MAGI2: variants seen among roughly 807,000 people sequenced by gnomAD.
MAGI2 encodes membrane associated guanylate kinase, WW and PDZ domain containing 2.
In MAGI2, 35 loss-of-function variants were observed where a neutral mutation model predicts 133.3. That is an observed-to-expected ratio of 0.26 (90% confidence interval 0.20 to 0.35). MAGI2 has a LOEUF of 0.35. Among genes scored for constraint, MAGI2 ranks in the 10% least tolerant of loss-of-function variants. The pLI, the probability that MAGI2 is intolerant of heterozygous loss-of-function variation, is 1.00. For missense variants in MAGI2, 1,636 were observed against 1,863.4 expected (o/e 0.88, Z 2.25); for synonymous variants, 729 against 710.6 (o/e 1.03, Z -0.41).
rs1584843643 is a variant in MAGI2 at position 78,018,978 on chromosome 7, C to A, written c.*337G>T. 3 of 398,768 alleles carry A rather than the reference C, an allele frequency of 7.5e-6. No individual in the cohort carries two copies. The highest frequency in any genetic ancestry group is 7.2e-5 in the East Asian group (2 of 27,894). 24.7% of individuals were successfully genotyped at this position (398,768 alleles called of 1,614,324 possible). ...TCTTGATATAAAGTTTGGATGACAT[C>A]CAAGTCCTTCATGCAGTGGGGAGGA... is the stretch of plus-strand genomic sequence containing the variant. On this transcript the variant is annotated 3_prime_UTR_variant, in exon 22 of 22. Coordinates refer to ENST00000354212, the MANE Select transcript of MAGI2 (RefSeq NM_012301.4).
At chr7:78,359,024 C>G (rs897858943) in intron 7 of MAGI2, 1 of 152,398 alleles carries the variant, frequency 6.6e-6, no homozygotes, top group Non-Finnish European at 1.5e-5. Flanking sequence ...CATGGGCAGC[C>G]TGGGACTTAA....
chr7:78,895,495 G>A (rs778524972), intron 2 of MAGI2, among the ~76,000 whole-genome samples: 2 of 149,100 alleles, frequency 1.3e-5, no homozygotes, highest in Non-Finnish European at 3.0e-5. Context: ...AACCAGAGTT[G>A]CTTTACAAAA....
At chr7:78,211,052 A>G (rs1787721074) in intron 10 of MAGI2, among the ~76,000 whole-genome samples, 1 of 152,144 alleles carries the variant, frequency 6.6e-6, no homozygotes, top group African/African-American at 2.4e-5. Context: ...TCCAGATGAG[A>G]AGGAACCTGA....
chr7:79,354,004 C>T (rs1346694255), intron 1 of MAGI2: 1 of 153,222 alleles, frequency 6.5e-6, no homozygotes, highest in Non-Finnish European at 1.5e-5. Context: ...GCCTTGCCTC[C>T]TTTCTGCTGG....
chr7:78,296,575 T>C (rs921880390), intron 9 of MAGI2, among the ~76,000 whole-genome samples: 1 of 152,234 alleles, frequency 6.6e-6, no homozygotes, highest in Non-Finnish European at 1.5e-5. Context: ...TTTACTATGG[T>C]ATGCCTTGTA....
intron 1 of MAGI2, among the ~76,000 whole-genome samples, chr7:79,086,637 G>A (rs1374715459): frequency 6.6e-6 from 1 of 151,598 alleles, no homozygotes; most frequent in Non-Finnish European, 1.5e-5. Flanking sequence ...TTCTTACTCT[G>A]CCATTCTGAA....
At chr7:78,557,080 CA>C (rs796371005) in intron 3 of MAGI2, among the ~76,000 whole-genome samples, 743 of 40,902 alleles carry the variant, frequency 0.018, 2 homozygotes, top group Middle Eastern at 0.045. Context: ...GGCAGAGTCT[CA>C]AAAAAAAAAA....
Position 79,231,956 on chromosome 7 carries a change from G to C in MAGI2, c.301+221064C>G, listed in dbSNP as rs550637416. On this transcript the variant is annotated intron_variant, in intron 1 of 21. Coordinates refer to ENST00000354212, the MANE Select transcript of MAGI2 (RefSeq NM_012301.4). ...TGTCATAGACAGCTCTTATTATTTT[G>C]AGATACGTCCCATCGATACCTAATT... Among the ~76,000 whole-genome samples the C allele has an allele frequency of 1.1e-3, 167 of 152,234 alleles. 1 individual carries two copies. Among genetic ancestry groups the C allele is most frequent in the African/African-American group, 3.6e-3 (150 of 41,512 alleles).
intron 2 of MAGI2, among the ~76,000 whole-genome samples, chr7:78,806,763 G>A (rs1788610328): frequency 6.6e-6 from 1 of 151,844 alleles, no homozygotes; most frequent in Non-Finnish European, 1.5e-5. Context: ...AGCTACTTGG[G>A]AGGCTGAGGC....
chr7:79,220,833 G>A (rs1347003652), intron 1 of MAGI2, among the ~76,000 whole-genome samples: 1 of 152,026 alleles, frequency 6.6e-6, no homozygotes, highest in African/African-American at 2.4e-5. Context: ...CGCCCACCGT[G>A]GTACAAATTA....
intron 20 of MAGI2, among the ~76,000 whole-genome samples, chr7:78,084,145 A>C (rs1472795823): frequency 6.6e-6 from 1 of 152,220 alleles, no homozygotes; most frequent in African/African-American, 2.4e-5. Flanking sequence ...AAGTGATCCC[A>C]GATTATAACT....
intron 1 of MAGI2, among the ~76,000 whole-genome samples, chr7:79,116,667 G>A (rs62460841): frequency 2.2e-4 from 33 of 152,142 alleles, no homozygotes; most frequent in Non-Finnish European, 4.1e-4. Context: ...GAGGCTGGTG[G>A]GAGGGTATTG....
intron 9 of MAGI2, among the ~76,000 whole-genome samples, chr7:78,282,037 T>C (rs1241613005): frequency 1.4e-5 from 1 of 69,174 alleles, no homozygotes; most frequent in Admixed American, 1.4e-4. Context: ...TACCATTGAA[T>C]TGCCTTTGCA....
intron 1 of MAGI2, among the ~76,000 whole-genome samples, chr7:79,152,196 A>G (rs1823322236): frequency 1.3e-5 from 2 of 152,194 alleles, no homozygotes; most frequent in Admixed American, 1.3e-4. Context: ...CTCCTAACCA[A>G]CAAAGCAACA....
At chr7:79,009,720 T>C (rs1807851116) in intron 1 of MAGI2, among the ~76,000 whole-genome samples, 1 of 152,134 alleles carries the variant, frequency 6.6e-6, no homozygotes, top group South Asian at 2.1e-4. Context: ...TTCTAGCAGC[T>C]ATGTTCTGGC....
intron 3 of MAGI2, among the ~76,000 whole-genome samples, chr7:78,527,573 A>T (rs1333891930): frequency 6.6e-6 from 1 of 152,204 alleles, no homozygotes; most frequent in African/African-American, 2.4e-5. Flanking sequence ...TCTGAGATGC[A>T]CCATGTTCTT....
At chr7:78,811,688 T>C (rs1246791489) in intron 2 of MAGI2, among the ~76,000 whole-genome samples, 4 of 152,236 alleles carry the variant, frequency 2.6e-5, no homozygotes, top group Non-Finnish European at 5.9e-5. Flanking sequence ...CCACATTAAC[T>C]AGCTGCAAAG....
At chr7:79,360,691 C>A (rs1842324744) in intron 1 of MAGI2, among the ~76,000 whole-genome samples, 1 of 151,798 alleles carries the variant, frequency 6.6e-6, no homozygotes. Flanking sequence ...GAGCAGCCAC[C>A]CAAAAACTAT....
At chr7:78,321,423 T>C (rs535252302) in intron 9 of MAGI2, among the ~76,000 whole-genome samples, 2 of 152,152 alleles carry the variant, frequency 1.3e-5, no homozygotes, top group Admixed American at 1.3e-4. Flanking sequence ...AAAACAGAGA[T>C]ATAGACCAGT....
Sources: allele counts gnomAD v4.1 joint callset (sites outside exome capture counted in the v4.1 genomes callset), GRCh38; gene constraint gnomAD v4.1.1; transcripts MANE v1.5; gene names NCBI Gene and HGNC (gene_info 2026-07-23, HGNC 2026-07-21).